MDGA2: variants seen among roughly 807,000 people sequenced by gnomAD.
The protein encoded by MDGA2 is MAM domain containing glycosylphosphatidylinositol anchor 2.
A neutral mutation model predicts 117.8 loss-of-function variants in MDGA2; 40 were observed. The observed-to-expected ratio is 0.34, with a 90% CI of 0.26 to 0.44. MDGA2 has a LOEUF of 0.44. Ranked by LOEUF, MDGA2 falls within the 20% of genes least tolerant of loss-of-function variation. The pLI, the probability that MDGA2 is intolerant of heterozygous loss-of-function variation, is 1.00. For synonymous variants in MDGA2, 452 were observed against 439.0 expected, an observed-to-expected ratio of 1.03 and a Z score of -0.37; for missense variants, 1,123 against 1,250.6, an observed-to-expected ratio of 0.90 and a Z score of 1.54.
At chr14:47,223,686 T>C (rs768493409) in intron 2 of MDGA2, among the ~76,000 whole-genome samples, 1 of 152,176 alleles carries the variant, frequency 6.6e-6, no homozygotes, top group East Asian at 1.9e-4. Context: ...GGTTTCACAA[T>C]GTGAATAAAA....
chr14:47,533,758 T>C (rs887071058), intron 1 of MDGA2, among the ~76,000 whole-genome samples: 12 of 152,216 alleles, frequency 7.9e-5, no homozygotes, highest in African/African-American at 2.9e-4. Flanking sequence ...GACACTTATT[T>C]AGAAAAAATA....
chr14:47,420,840 T>TAAC (rs1892563577), intron 1 of MDGA2, among the ~76,000 whole-genome samples: 1 of 151,658 alleles, frequency 6.6e-6, no homozygotes, highest in Non-Finnish European at 1.5e-5. Flanking sequence ...TTAATAATAA[T>TAAC]AATAATAAAG....
chr14:47,547,299 T>C (rs1337655871), intron 1 of MDGA2, among the ~76,000 whole-genome samples: 3 of 152,214 alleles, frequency 2.0e-5, no homozygotes, highest in Non-Finnish European at 4.4e-5. Context: ...AGTTGCCACA[T>C]GCATTCATTA....
At chr14:47,059,283 T>C (rs747664102) in intron 7 of MDGA2, 34 of 1,249,468 alleles carry the variant, frequency 2.7e-5, no homozygotes, top group South Asian at 2.2e-4. Flanking sequence ...GCTTCCATTC[T>C]ATGGAGAAAC....
At chr14:47,562,449 C>A (rs1354335255) in intron 1 of MDGA2, among the ~76,000 whole-genome samples, 1 of 152,134 alleles carries the variant, frequency 6.6e-6, no homozygotes, top group East Asian at 1.9e-4. Flanking sequence ...GATTCTATTT[C>A]TTCCTGGTTC....
At chr14:47,266,439 G>C (rs1887967759) in intron 2 of MDGA2, among the ~76,000 whole-genome samples, 1 of 152,134 alleles carries the variant, frequency 6.6e-6, no homozygotes, top group African/African-American at 2.4e-5. Flanking sequence ...GTAACTACGA[G>C]TCTTCTACTT....
chr14:47,540,756 G>T (rs1895336303), intron 1 of MDGA2, among the ~76,000 whole-genome samples: 1 of 151,416 alleles, frequency 6.6e-6, no homozygotes, highest in Non-Finnish European at 1.5e-5. Flanking sequence ...TTAGATACAG[G>T]GTCTCACTAT....
At position 46,978,983 on chromosome 14, in the gene MDGA2, CACAG is replaced by C. The variant is rs540789510; in HGVS notation, c.1820-21344_1820-21341del. 1.2e-3 allele frequency among the ~76,000 whole-genome samples: 177 copies of C among 152,160 alleles called. 2 individuals carry two copies. The highest frequency in any genetic ancestry group is 4.1e-3 in the Admixed American group (62 of 15,266). On this transcript the variant is annotated intron_variant, in intron 8 of 16. Coordinates refer to ENST00000399232, the MANE Select transcript of MDGA2 (RefSeq NM_001113498.3). The stretch of plus-strand genomic sequence containing the variant: ...TATTGTGCTACACTTTATTGTGTTT[CACAG>C]ACAATGAATTTTTTACAAATTGAAG...
intron 7 of MDGA2, among the ~76,000 whole-genome samples, chr14:47,040,149 T>C (rs1009514831): frequency 3.5e-4 from 53 of 152,238 alleles, no homozygotes; most frequent in African/African-American, 1.3e-3. Context: ...ATCTCTCACA[T>C]AGAGAAACAC....
At chr14:47,326,270 A>G (rs531815679) in intron 1 of MDGA2, among the ~76,000 whole-genome samples, 1 of 152,256 alleles carries the variant, frequency 6.6e-6, no homozygotes, top group East Asian at 1.9e-4. Flanking sequence ...ATATTATATT[A>G]TGCTTAAAAT....
In MDGA2 at chr14:47,649,304, G is replaced by T. The variant is rs148967287; in HGVS notation, c.280+25213C>A. On this transcript the variant is annotated intron_variant, in intron 1 of 16. Transcript: ENST00000399232. ...TCTATAGACAAATTTAAGCTAAAGC[G>T]TTTGTTCATGGATCTACCCATTAAT... Among the ~76,000 whole-genome samples the T allele has an allele frequency of 7.5e-4, 114 of 152,248 alleles. 1 individual carries two copies. The highest frequency in any genetic ancestry group is 2.7e-3 in the African/African-American group (111 of 41,548).
intron 1 of MDGA2, among the ~76,000 whole-genome samples, chr14:47,557,617 G>GA (rs2138790679): frequency 6.6e-6 from 1 of 152,158 alleles, no homozygotes; most frequent in Non-Finnish European, 1.5e-5. Flanking sequence ...TCAAAATGGA[G>GA]AAAAATTTTC....
At chr14:47,378,849 T>C (rs949332720) in intron 1 of MDGA2, among the ~76,000 whole-genome samples, 10 of 152,078 alleles carry the variant, frequency 6.6e-5, no homozygotes, top group African/African-American at 2.4e-4. Flanking sequence ...AACATTCAAA[T>C]TCAGGAAATA....
intron 2 of MDGA2, among the ~76,000 whole-genome samples, chr14:47,269,752 T>A (rs554363804): frequency 6.6e-6 from 1 of 152,162 alleles, no homozygotes; most frequent in Admixed American, 6.6e-5. Context: ...TTGTGAGTAC[T>A]GAGATGAGAA....
chr14:46,890,116 T>A (rs1282374598), intron 10 of MDGA2, among the ~76,000 whole-genome samples: 2 of 152,010 alleles, frequency 1.3e-5, no homozygotes, highest in Admixed American at 6.6e-5. Context: ...ACGCTTTTTC[T>A]CCCCCAGCCA....
At chr14:47,609,856 A>T (rs974039410) in intron 1 of MDGA2, among the ~76,000 whole-genome samples, 1 of 152,030 alleles carries the variant, frequency 6.6e-6, no homozygotes, top group Non-Finnish European at 1.5e-5. Context: ...AACCCTCCCT[A>T]ATTCATTCTA....
intron 1 of MDGA2, among the ~76,000 whole-genome samples, chr14:47,523,384 ATTATT>A (rs1200169981): frequency 6.6e-6 from 1 of 152,176 alleles, no homozygotes; most frequent in Non-Finnish European, 1.5e-5. Context: ...ATTATTATCT[ATTATT>A]TTAATTTTAA....
At position 47,675,023 on chromosome 14, in the gene MDGA2, G is replaced by T; in HGVS notation, c.-227C>A. ...GGCGGCGGCGCGCTGGGCCGGCGGC[G>T]GGCGCGGGCAGGGGGCCGGGGGTGC... On this transcript the variant is annotated 5_prime_UTR_variant, in exon 1 of 17. Transcript: ENST00000399232. 4.2e-6 allele frequency: 1 copy of T among 239,712 alleles called. No individual in the cohort carries two copies. 14.8% of individuals were successfully genotyped at this position (239,712 alleles called of 1,614,324 possible).
At chr14:47,023,145 T>TA (rs1888348368) in intron 8 of MDGA2, among the ~76,000 whole-genome samples, 1 of 136,260 alleles carries the variant, frequency 7.3e-6, no homozygotes, top group Non-Finnish European at 1.5e-5. Flanking sequence ...TTCCTGCCTA[T>TA]AACAGTTAGA....
Sources: allele counts gnomAD v4.1 joint callset (sites outside exome capture counted in the v4.1 genomes callset), GRCh38; gene constraint gnomAD v4.1.1; transcripts MANE v1.5; gene names NCBI Gene and HGNC (gene_info 2026-07-23, HGNC 2026-07-21).